RMDN2: variants seen among roughly 807,000 people sequenced by gnomAD.
The protein encoded by RMDN2 is regulator of microtubule dynamics protein 2.
RMDN2 carries 61 observed loss-of-function variants against 52.8 expected under a neutral mutation model. That is an observed-to-expected ratio of 1.16 (90% CI 0.94 to 1.43). The LOEUF (loss-of-function observed/expected upper bound fraction) is 1.43. Ranked by LOEUF, RMDN2 falls within the 40% of genes most tolerant of loss-of-function variation. The pLI is 0.00. For synonymous variants in RMDN2, 180 were observed against 153.1 expected, an observed-to-expected ratio of 1.18 and a Z score of -1.30; for missense variants, 592 against 475.3, an observed-to-expected ratio of 1.25 and a Z score of -2.28.
chr2:38,004,162 G>C lies in RMDN2; in HGVS notation c.1125G>C (p.Gln375His). The change falls in exon 10 of 11, where the codon CAG becomes CAC. Residue 375 changes from glutamine to histidine, a missense_variant. Gln to His is a conservative substitution (Grantham distance 24, BLOSUM62 0). Coordinates refer to ENST00000354545, the MANE Select transcript of RMDN2 (RefSeq NM_001170791.3). ...AKCYTDLEEN[Q>H]NALKFCNLAL... ...GTTATACTGATCTTGAGGAAAACCA[G>C]AATGCTTTGAAGTTCTGTAATTTGG... 1 of 1,613,770 alleles carries C rather than the reference G, an allele frequency of 6.2e-7. No homozygotes were observed. The highest frequency in any genetic ancestry group is 8.5e-7 in the Non-Finnish European group (1 of 1,179,832).
intron 2 of RMDN2, among the ~76,000 whole-genome samples, chr2:37,932,870 C>T (rs1377424865): frequency 1.4e-5 from 2 of 144,082 alleles, no homozygotes; most frequent in Non-Finnish European, 3.1e-5. Context: ...GGAGGCTGAC[C>T]CCCCCACCTC....
upstream of RMDN2, among the ~76,000 whole-genome samples, chr2:37,924,660 C>T (rs989739832): frequency 1.3e-5 from 2 of 152,238 alleles, no homozygotes; most frequent in Non-Finnish European, 2.9e-5. Context: ...ACCCACCGCG[C>T]CCGGCCCAGT....
intron 10 of RMDN2, among the ~76,000 whole-genome samples, chr2:38,015,369 A>T (rs1329845641): frequency 6.6e-6 from 1 of 152,162 alleles, no homozygotes; most frequent in Admixed American, 6.5e-5. Flanking sequence ...GATCGAGACC[A>T]TCCTGGCCAA....
intron 8 of RMDN2, among the ~76,000 whole-genome samples, chr2:37,999,288 T>G (rs376394439): frequency 6.2e-4 from 94 of 152,230 alleles, no homozygotes; most frequent in African/African-American, 2.0e-3. Context: ...TCTCTCAGTT[T>G]CATCAATAAC....
intron 2 of RMDN2, chr2:37,952,143 T>C: frequency 6.2e-7 from 1 of 1,613,160 alleles, no homozygotes; most frequent in East Asian, 2.2e-5. Context: ...AGATGAAGAC[T>C]TTGCTGTCTT....
chr2:38,006,968 GT>G (rs1182758999), intron 10 of RMDN2, among the ~76,000 whole-genome samples: 6 of 152,164 alleles, frequency 3.9e-5, no homozygotes, highest in Non-Finnish European at 7.3e-5. Context: ...ATAATCATAT[GT>G]TTTTTGTCCT....
At chr2:38,029,577 AG>A (rs1350455778) in intron 10 of RMDN2, 1 of 151,988 alleles carries the variant, frequency 6.6e-6, no homozygotes, top group African/African-American at 2.4e-5. Context: ...CAACTCAAGA[AG>A]AAGAAAAACA....
chr2:38,060,103 ATTTTATTTTATTTTAT>A (rs1164830701), intron 10 of RMDN2, among the ~76,000 whole-genome samples: 4,029 of 142,748 alleles, frequency 0.028, 219 homozygotes, highest in African/African-American at 0.11. Context: ...ATTTTATTTT[ATTTTATTTTATTTTAT>A]TTTTTTTAGT....
intron 2 of RMDN2, chr2:37,950,453 A>T: frequency 1.2e-6 from 2 of 1,610,350 alleles, no homozygotes; most frequent in Non-Finnish European, 1.7e-6. Flanking sequence ...TGTTATTGCC[A>T]TGTTAACTCC....
chr2:38,055,350 T>C (rs901705537), intron 10 of RMDN2, among the ~76,000 whole-genome samples: 3 of 152,008 alleles, frequency 2.0e-5, no homozygotes, highest in African/African-American at 7.2e-5. Flanking sequence ...CTTTGCAGCC[T>C]GCCTCAACCT....
chr2:38,034,194 T>A (rs1680417888), intron 10 of RMDN2, among the ~76,000 whole-genome samples: 1 of 152,212 alleles, frequency 6.6e-6, no homozygotes, highest in South Asian at 2.1e-4. Flanking sequence ...TGCCTGTAGA[T>A]GTGTCAGCTC....
chr2:38,050,836 G>A (rs1681551197), intron 10 of RMDN2, among the ~76,000 whole-genome samples: 1 of 152,190 alleles, frequency 6.6e-6, no homozygotes, highest in South Asian at 2.1e-4. Flanking sequence ...TCAGCTCACT[G>A]CAGCCTCCGC....
chr2:37,993,411 G>T (rs1407210645), intron 7 of RMDN2, among the ~76,000 whole-genome samples: 1 of 152,202 alleles, frequency 6.6e-6, no homozygotes, highest in East Asian at 1.9e-4. Flanking sequence ...TCCAGCATAT[G>T]CAGACTAGAG....
At chr2:37,969,584 G>A (rs1233134142) in intron 2 of RMDN2, among the ~76,000 whole-genome samples, 1 of 151,804 alleles carries the variant, frequency 6.6e-6, no homozygotes, top group Non-Finnish European at 1.5e-5. Flanking sequence ...TTACTTATAT[G>A]TAAATTTTGT....
At chr2:37,985,509 T>C (rs1389875197) in intron 5 of RMDN2, among the ~76,000 whole-genome samples, 1 of 152,156 alleles carries the variant, frequency 6.6e-6, no homozygotes, top group Non-Finnish European at 1.5e-5. Context: ...GTGGTCAAGC[T>C]TTGAGTCAGC....
chr2:37,965,142 G>T (rs1670863923), intron 2 of RMDN2, among the ~76,000 whole-genome samples: 1 of 151,928 alleles, frequency 6.6e-6, no homozygotes, highest in Non-Finnish European at 1.5e-5. Flanking sequence ...GTCTCTTTTG[G>T]ACAGCATATC....
chr2:38,031,287 G>C (rs577381372), intron 10 of RMDN2, among the ~76,000 whole-genome samples: 10 of 139,616 alleles, frequency 7.2e-5, no homozygotes, highest in African/African-American at 2.7e-4. Flanking sequence ...TTTTGAGATG[G>C]GCTCTTGCCA....
chr2:37,927,596 A>G (rs1666394306), intron 1 of RMDN2, among the ~76,000 whole-genome samples: 1 of 152,244 alleles, frequency 6.6e-6, no homozygotes, highest in South Asian at 2.1e-4. Context: ...AGTCCAAGGT[A>G]TGGGCAAAAG....
At chr2:37,990,603 A>G (rs1235205848) in intron 6 of RMDN2, among the ~76,000 whole-genome samples, 1 of 151,052 alleles carries the variant, frequency 6.6e-6, no homozygotes, top group Non-Finnish European at 1.5e-5. Context: ...GTAGTTAACA[A>G]TCTCTGCATA....
Sources: gnomAD v4.1 joint callset for allele counts (sites outside exome capture counted in the v4.1 genomes callset) on GRCh38, gnomAD v4.1.1 for gene constraint, MANE v1.5 for transcripts, NCBI Gene and HGNC (gene_info 2026-07-23, HGNC 2026-07-21) for gene names.